The following LPP variants were observed in gnomAD, a reference collection of about 807,000 sequenced individuals.
The protein encoded by LPP is LIM domain containing preferred translocation partner in lipoma.
In LPP, 38 loss-of-function variants were observed where a neutral mutation model predicts 60.4. The observed-to-expected ratio is 0.63, with a 90% CI of 0.49 to 0.83. The LOEUF (loss-of-function observed/expected upper bound fraction) is 0.83, where lower values mean the gene tolerates loss of function less well. Ranked by LOEUF, LPP falls within the 40% of genes least tolerant of loss-of-function variation. The pLI is 0.00. For synonymous variants in LPP, 328 were observed against 290.8 expected (o/e 1.13, Z -1.30); for missense variants, 902 against 783.6 (o/e 1.15, Z -1.80).
chr3:188,442,259 G>A (rs1368393056), intron 4 of LPP, among the ~76,000 whole-genome samples: 2 of 152,022 alleles, frequency 1.3e-5, no homozygotes, highest in African/African-American at 4.8e-5. Flanking sequence ...TTCTCCTAAC[G>A]CTATCCCTCC....
intron 5 of LPP, among the ~76,000 whole-genome samples, chr3:188,487,492 C>G (rs1806911891): frequency 6.6e-6 from 1 of 152,060 alleles, no homozygotes; most frequent in South Asian, 2.1e-4. Flanking sequence ...GGCTTAAGTT[C>G]TCTGTAAAAC....
intron 4 of LPP, among the ~76,000 whole-genome samples, chr3:188,466,977 A>G (rs1454514487): frequency 7.2e-6 from 1 of 139,062 alleles, no homozygotes; most frequent in African/African-American, 2.7e-5. Flanking sequence ...CTGCACTAAC[A>G]TTTTTCATTC....
intron 6 of LPP, among the ~76,000 whole-genome samples, chr3:188,549,708 G>T (rs1043144104): frequency 2.0e-5 from 3 of 152,190 alleles, no homozygotes; most frequent in African/African-American, 7.2e-5. Flanking sequence ...GTAGCACAGA[G>T]GTCTCCACTA....
chr3:188,353,014 T>C (rs1433045114), intron 3 of LPP, among the ~76,000 whole-genome samples: 1 of 152,208 alleles, frequency 6.6e-6, no homozygotes, highest in African/African-American at 2.4e-5. Flanking sequence ...AATGCCATGT[T>C]CTCACTGCTC....
chr3:188,801,349 T>C (rs1270244122), intron 9 of LPP, among the ~76,000 whole-genome samples: 1 of 152,204 alleles, frequency 6.6e-6, no homozygotes, highest in Non-Finnish European at 1.5e-5. Context: ...ATGCATTCTA[T>C]ATTCTGTAAC....
intron 2 of LPP, among the ~76,000 whole-genome samples, chr3:188,259,362 C>T (rs908721683): frequency 1.3e-5 from 2 of 152,168 alleles, no homozygotes; most frequent in Non-Finnish European, 2.9e-5. Flanking sequence ...TAAGGCCACT[C>T]TTTACCATTC....
intron 2 of LPP, among the ~76,000 whole-genome samples, chr3:188,282,851 AC>A (rs1299670863): frequency 1.3e-5 from 2 of 152,098 alleles, no homozygotes; most frequent in African/African-American, 4.8e-5. Context: ...TTCATACACC[AC>A]CTTGTATTCA....
chr3:188,828,876 T>C (rs1483615227), intron 9 of LPP, among the ~76,000 whole-genome samples: 1 of 152,162 alleles, frequency 6.6e-6, no homozygotes, highest in Admixed American at 6.5e-5. Context: ...GTTTTAGGTA[T>C]TATGTATGTA....
intron 8 of LPP, among the ~76,000 whole-genome samples, chr3:188,744,896 A>T (rs887883881): frequency 6.6e-6 from 1 of 151,998 alleles, no homozygotes; most frequent in African/African-American, 2.4e-5. Context: ...TTTTCCTCCC[A>T]TTCCTACCTG....
intron 9 of LPP, among the ~76,000 whole-genome samples, chr3:188,781,087 G>A (rs183529995): frequency 5.6e-4 from 85 of 152,306 alleles, no homozygotes; most frequent in African/African-American, 1.8e-3. Flanking sequence ...GGAACTCACC[G>A]GGAGAAATAA....
chr3:188,839,094 T>A (rs1269738627), intron 9 of LPP, among the ~76,000 whole-genome samples: 1 of 152,160 alleles, frequency 6.6e-6, no homozygotes, highest in African/African-American at 2.4e-5. Flanking sequence ...TCACACTTCT[T>A]ACCACCTGAT....
At chr3:188,754,318 T>C (rs1729432244) in intron 8 of LPP, among the ~76,000 whole-genome samples, 1 of 152,212 alleles carries the variant, frequency 6.6e-6, no homozygotes, top group Admixed American at 6.5e-5. Context: ...GGAAAGCCAT[T>C]GCAAACTTTT....
chr3:188,620,285 T>C (rs1845575392), intron 7 of LPP, among the ~76,000 whole-genome samples: 1 of 152,170 alleles, frequency 6.6e-6, no homozygotes, highest in Non-Finnish European at 1.5e-5. Context: ...TCAATTTCTT[T>C]ACACCAGGAA....
chr3:188,762,751 A>G (rs889526042), intron 9 of LPP, among the ~76,000 whole-genome samples: 2 of 147,980 alleles, frequency 1.4e-5, no homozygotes, highest in African/African-American at 5.0e-5. Context: ...GAATTCAAAT[A>G]ATGGAAATTC....
intron 6 of LPP, among the ~76,000 whole-genome samples, chr3:188,603,613 G>C (rs935666740): frequency 8.5e-5 from 13 of 152,054 alleles, no homozygotes; most frequent in African/African-American, 3.1e-4. Flanking sequence ...TTTGCACCAG[G>C]TAATTTCTAT....
chr3:188,433,927 T>A (rs994834882), intron 4 of LPP, among the ~76,000 whole-genome samples: 12 of 152,144 alleles, frequency 7.9e-5, no homozygotes, highest in Non-Finnish European at 2.9e-5. Flanking sequence ...AAACCCTGTC[T>A]CCTAAAACAG....
At chr3:188,797,807 A>G (rs1745822539) in intron 9 of LPP, among the ~76,000 whole-genome samples, 1 of 152,182 alleles carries the variant, frequency 6.6e-6, no homozygotes, top group African/African-American at 2.4e-5. Flanking sequence ...ATTCCTTACA[A>G]GAGAAGCTTT....
intron 6 of LPP, among the ~76,000 whole-genome samples, chr3:188,560,139 A>G (rs1429942550): frequency 1.3e-5 from 2 of 152,132 alleles, no homozygotes; most frequent in South Asian, 2.1e-4. Context: ...CATGGCTAGA[A>G]TAATTACAGA....
At chr3:188,832,034 C>G (rs996600775) in intron 9 of LPP, among the ~76,000 whole-genome samples, 3 of 152,156 alleles carry the variant, frequency 2.0e-5, no homozygotes, top group Admixed American at 1.3e-4. Context: ...TACATAGATA[C>G]TTGTGGAGGA....
Sources: gnomAD v4.1 joint callset for allele counts (sites outside exome capture counted in the v4.1 genomes callset) on GRCh38, gnomAD v4.1.1 for gene constraint, MANE v1.5 for transcripts, NCBI Gene and HGNC (gene_info 2026-07-23, HGNC 2026-07-21) for gene names.